LGR5: variants seen among roughly 807,000 people sequenced by gnomAD.
The protein encoded by LGR5 is leucine rich repeat containing G protein-coupled receptor 5.
LGR5 carries 54 observed loss-of-function variants against 76.7 expected under a neutral mutation model. That is an observed-to-expected ratio of 0.70 (90% CI 0.57 to 0.88). The LOEUF is 0.88. Ranked by LOEUF, LGR5 falls within the 40% of genes least tolerant of loss-of-function variation. LGR5 has a pLI of 0.00. For synonymous variants in LGR5, 406 were observed against 421.9 expected (o/e 0.96, Z 0.46); for missense variants, 1,078 against 1,073.3 (o/e 1.00, Z -0.06).
intron 7 of LGR5, 127 bp from the exon 8 acceptor site, chr12:71,561,654 A>G: frequency 2.1e-6 from 1 of 476,636 alleles, no homozygotes; most frequent in South Asian, 4.6e-5. Flanking sequence ...CAAGATGCAT[A>G]GAGGAATTTA....
chr12:71,539,248 A>G (rs1876754190), intron 4 of LGR5, among the ~76,000 whole-genome samples: 1 of 152,242 alleles, frequency 6.6e-6, no homozygotes, highest in Non-Finnish European at 1.5e-5. Context: ...CAAATCAAAA[A>G]TGGTTGAAAA....
At chr12:71,545,422 A>G (rs1877106047) in intron 4 of LGR5, among the ~76,000 whole-genome samples, 1 of 152,210 alleles carries the variant, frequency 6.6e-6, no homozygotes, top group African/African-American at 2.4e-5. Context: ...ACTGCACTCC[A>G]GCGTGAGTGA....
intron 1 of LGR5, among the ~76,000 whole-genome samples, chr12:71,497,428 C>T (rs34200045): frequency 0.11 from 17,015 of 151,444 alleles, 1,087 homozygotes; most frequent in African/African-American, 0.16. Context: ...TTTATCCGGC[C>T]GGACACAGAA....
At chr12:71,464,818 G>C (rs1206194436) in intron 1 of LGR5, among the ~76,000 whole-genome samples, 1 of 152,108 alleles carries the variant, frequency 6.6e-6, no homozygotes, top group East Asian at 1.9e-4. Context: ...CAGAAAACAG[G>C]GGTGTAGGTT....
Position 71,584,472 on chromosome 12 carries a change from T to A in LGR5, c.2462T>A (p.Ile821Asn), listed in dbSNP as rs777486177. 2.2e-5 allele frequency: 35 copies of A among 1,614,154 alleles called. No homozygotes were observed. The highest frequency in any genetic ancestry group is 2.8e-5 in the Non-Finnish European group (33 of 1,180,022). The change falls in exon 18 of 18, where the codon ATC becomes AAC. Residue 821 changes from isoleucine (I) to asparagine (N), a missense_variant. By Grantham distance (149) the Ile-to-Asn change is moderately radical. Coordinates refer to ENST00000266674, the MANE Select transcript of LGR5 (RefSeq NM_003667.4). ...GCATGTCTCAATCCCCTTCTCTACA[T>A]CTTGTTCAATCCTCACTTTAAGGAG... Reference protein sequence around the residue: ...LPACLNPLLYILFNPHFKEDL... With the variant: ...LPACLNPLLYNLFNPHFKEDL...
intron 1 of LGR5, among the ~76,000 whole-genome samples, chr12:71,496,829 A>C (rs2137290180): frequency 6.6e-6 from 1 of 152,350 alleles, no homozygotes; most frequent in Non-Finnish European, 1.5e-5. Flanking sequence ...GCTAGACACA[A>C]AAATGTCTAT....
intron 2 of LGR5, among the ~76,000 whole-genome samples, chr12:71,513,559 C>A (rs1174152859): frequency 6.6e-6 from 1 of 152,208 alleles, no homozygotes; most frequent in Non-Finnish European, 1.5e-5. Context: ...AATAACCTCC[C>A]TTTGGCCCAT....
intron 1 of LGR5, among the ~76,000 whole-genome samples, chr12:71,445,809 A>C (rs1871963503): frequency 6.6e-6 from 1 of 152,218 alleles, no homozygotes; most frequent in Non-Finnish European, 1.5e-5. Context: ...AAAACTATTC[A>C]AAAGATGTTT....
At chr12:71,520,030 C>T (rs188680685) in intron 2 of LGR5, among the ~76,000 whole-genome samples, 2 of 151,618 alleles carry the variant, frequency 1.3e-5, no homozygotes, top group East Asian at 3.9e-4. Flanking sequence ...ACCATTTGAC[C>T]CAAGAATTCC....
At chr12:71,539,471 G>GT (rs1339666201) in intron 4 of LGR5, among the ~76,000 whole-genome samples, 5 of 151,986 alleles carry the variant, frequency 3.3e-5, no homozygotes, top group East Asian at 1.9e-4. Flanking sequence ...TACACTTGTG[G>GT]TTTTTTTGTT....
At chr12:71,556,521 C>A in intron 5 of LGR5, 98 bp from the exon 6 acceptor site, 1 of 810,058 alleles carries the variant, frequency 1.2e-6, no homozygotes, top group Non-Finnish European at 2.1e-6. Context: ...ATAAGTAGTG[C>A]ATTCTTCAGT....
chr12:71,477,929 G>C (rs1421420127), intron 1 of LGR5, among the ~76,000 whole-genome samples: 1 of 152,136 alleles, frequency 6.6e-6, no homozygotes, highest in Non-Finnish European at 1.5e-5. Flanking sequence ...GGCTCCTTTA[G>C]CGTAATCATC....
At chr12:71,491,800 T>C (rs890928248) in intron 1 of LGR5, among the ~76,000 whole-genome samples, 1 of 146,962 alleles carries the variant, frequency 6.8e-6, no homozygotes, top group Non-Finnish European at 1.5e-5. Context: ...CTGTGAATCA[T>C]TTGGCAGCTG....
In LGR5 at chr12:71,584,952, A is replaced by T; in HGVS notation, c.*218A>T. On this transcript the variant is annotated 3_prime_UTR_variant, in exon 18 of 18. Transcript: ENST00000266674. ...TGTATAATTTGTTCAGCTAAGGGAT[A>T]GATCGATCACACTATTTAAGTGAGC... 1.9e-6 allele frequency: 1 copy of T among 529,866 alleles called. No homozygotes were observed. Among genetic ancestry groups the T allele is most frequent in the Non-Finnish European group, 3.3e-6 (1 of 301,696 alleles). The allele number at this position is 529,866 out of a possible 1,614,324, so 32.8% of individuals were successfully genotyped here. A position where few individuals can be genotyped will look rare whatever the true frequency, so the allele number is the denominator to read the frequency against.
At chr12:71,445,633 G>A (rs565693612) in intron 1 of LGR5, among the ~76,000 whole-genome samples, 10 of 152,316 alleles carry the variant, frequency 6.6e-5, no homozygotes, top group East Asian at 1.9e-4. Flanking sequence ...AAGCAGGTCC[G>A]TTCCTAAAAT....
intron 16 of LGR5, 32 bp downstream of exon 16, chr12:71,580,455 G>C (rs773958071): frequency 6.2e-7 from 1 of 1,602,112 alleles, no homozygotes; most frequent in South Asian, 1.1e-5. Context: ...TAATGAAATT[G>C]TGTTGTGTTC....
In LGR5 at chr12:71,475,666, A is replaced by G. The variant is rs546688896; in HGVS notation, c.213-28948A>G. Reference sequence around the variant, plus strand: ...ACTCATCCCCCCCTTATCATAGCTGATATTTCTTTTCAAGACTCAGTTTAA... The same window carrying G: ...ACTCATCCCCCCCTTATCATAGCTGGTATTTCTTTTCAAGACTCAGTTTAA... On this transcript the variant is annotated intron_variant, in intron 1 of 17. Transcript: ENST00000266674. Among the ~76,000 whole-genome samples the G allele has an allele frequency of 3.6e-3, 541 of 152,242 alleles. 4 individuals are homozygous for G. The highest frequency in any genetic ancestry group is 0.014 in the Middle Eastern group (4 of 294).
intron 1 of LGR5, among the ~76,000 whole-genome samples, chr12:71,482,739 C>G (rs1873663651): frequency 6.6e-6 from 1 of 152,158 alleles, no homozygotes; most frequent in African/African-American, 2.4e-5. Context: ...AACAAAGAGC[C>G]ATCCATCTCA....
intron 1 of LGR5, among the ~76,000 whole-genome samples, chr12:71,483,478 C>T (rs1435258584): frequency 1.3e-5 from 2 of 152,148 alleles, no homozygotes; most frequent in African/African-American, 4.8e-5. Flanking sequence ...GGTACCTCCT[C>T]ATGTGTATGG....
Sources: gnomAD v4.1 joint callset for allele counts (sites outside exome capture counted in the v4.1 genomes callset) on GRCh38, gnomAD v4.1.1 for gene constraint, MANE v1.5 for transcripts, NCBI Gene and HGNC (gene_info 2026-07-23, HGNC 2026-07-21) for gene names.